The following FRMPD4 variants were observed in gnomAD, a reference collection of about 807,000 sequenced individuals.
FRMPD4 encodes FERM and PDZ domain-containing protein 4.
Under a neutral mutation model 94.1 loss-of-function variants are expected in FRMPD4, and 22 were observed. The ratio of observed to expected loss-of-function variants is 0.23; its 90% confidence interval spans 0.17 to 0.33. The LOEUF is 0.33. Among genes scored for constraint, FRMPD4 ranks in the 10% least tolerant of loss-of-function variants. The pLI is 1.00. For missense variants in FRMPD4, 1,111 were observed against 1,339.9 expected, an observed-to-expected ratio of 0.83 and a Z score of 2.67; for synonymous variants, 631 against 548.6, an observed-to-expected ratio of 1.15 and a Z score of -2.10.
At chrX:11,953,691 A>T (rs767187511) in intron 3 of FRMPD4, among the ~76,000 whole-genome samples, 1 of 111,860 alleles carries the variant, frequency 8.9e-6, no homozygotes. Flanking sequence ...AAAGAACCAG[A>T]CATGGGGAGA....
At chrX:12,104,798 A>G (rs1248308690) in intron 3 of FRMPD4, among the ~76,000 whole-genome samples, 1 of 112,026 alleles carries the variant, frequency 8.9e-6, no homozygotes. Flanking sequence ...CATTTTATAG[A>G]GAAGTAAACA....
intron 3 of FRMPD4, among the ~76,000 whole-genome samples, chrX:11,977,913 T>C (rs898376537): frequency 4.5e-5 from 5 of 111,219 alleles, no homozygotes; most frequent in African/African-American, 1.6e-4. Flanking sequence ...GAACAGATTG[T>C]AAAATGTTTC....
chrX:12,409,563 A>G (rs1056610935), intron 1 of FRMPD4, among the ~76,000 whole-genome samples: 1 of 112,137 alleles, frequency 8.9e-6, no homozygotes, highest in South Asian at 3.7e-4. Context: ...ACCTAAGGAC[A>G]CATTTCTGAA....
intron 1 of FRMPD4, among the ~76,000 whole-genome samples, chrX:12,302,293 C>T (rs1426620729): frequency 8.9e-6 from 1 of 111,923 alleles, no homozygotes; most frequent in African/African-American, 3.2e-5. Context: ...ACTGTTTTGC[C>T]TGTGAAGTCT....
At chrX:11,870,888 A>G (rs2147305489) in intron 2 of FRMPD4, among the ~76,000 whole-genome samples, 1 of 112,366 alleles carries the variant, frequency 8.9e-6, no homozygotes, top group Admixed American at 9.4e-5. Context: ...CTTACTTGCT[A>G]TGGTTTTTGA....
intron 3 of FRMPD4, among the ~76,000 whole-genome samples, chrX:12,078,402 T>G (rs1423087929): frequency 8.9e-6 from 1 of 112,239 alleles, no homozygotes; most frequent in East Asian, 2.8e-4. Context: ...GCAGGTCACC[T>G]TGGGGTATGA....
chrX:11,984,819 T>TA (rs2054418420), intron 3 of FRMPD4, among the ~76,000 whole-genome samples: 1 of 112,098 alleles, frequency 8.9e-6, no homozygotes, highest in African/African-American at 3.2e-5. Context: ...ACCCAGAATA[T>TA]AAAAAATACT....
intron 4 of FRMPD4, among the ~76,000 whole-genome samples, chrX:12,626,908 A>G (rs1422024468): frequency 1.8e-5 from 2 of 110,445 alleles, no homozygotes; most frequent in African/African-American, 3.3e-5. Context: ...TGTCTGCAGA[A>G]GAGTATATTA....
At chrX:12,519,665 G>A (rs2058140839) in intron 2 of FRMPD4, among the ~76,000 whole-genome samples, 1 of 112,249 alleles carries the variant, frequency 8.9e-6, no homozygotes, top group Non-Finnish European at 1.9e-5. Flanking sequence ...TCTGATATGA[G>A]GTTAATATTC....
chrX:12,707,299 G>A (rs1217169009), intron 12 of FRMPD4, among the ~76,000 whole-genome samples, 170 bp from the exon 13 acceptor site: 1 of 112,372 alleles, frequency 8.9e-6, no homozygotes, highest in Non-Finnish European at 1.9e-5. Flanking sequence ...ATTTATCAGA[G>A]CCTCAATTCA....
intron 2 of FRMPD4, among the ~76,000 whole-genome samples, chrX:12,525,058 C>CA (rs2058208091): frequency 1.8e-5 from 2 of 111,247 alleles, no homozygotes; most frequent in African/African-American, 6.5e-5. Flanking sequence ...CCAAGGAAGC[C>CA]AAAAGATTGG....
intron 1 of FRMPD4, among the ~76,000 whole-genome samples, chrX:11,852,949 A>G (rs1031096383): frequency 1.8e-5 from 2 of 112,273 alleles, no homozygotes; most frequent in African/African-American, 3.2e-5. Flanking sequence ...AGAAGAATAT[A>G]CATTCTCTTC....
chrX:12,037,829 G>A (rs897398480), intron 3 of FRMPD4, among the ~76,000 whole-genome samples: 3 of 111,163 alleles, frequency 2.7e-5, no homozygotes, highest in African/African-American at 6.6e-5. Context: ...GAGAACATGC[G>A]GTATTTGGTT....
In FRMPD4 at chrX:12,560,477, GAAAA is replaced by G. The variant is rs199808235; in HGVS notation, c.159-49226_159-49223del. On this transcript the variant is annotated intron_variant, in intron 2 of 16. Transcript: ENST00000675598. ...AGTAATGCATTCTTTCTTTAAAAAT[GAAAA>G]AAAAAAAAAAAAAAAAACCCAGCAA... 4.8e-3 allele frequency among the ~76,000 whole-genome samples: 397 copies of G among 82,848 alleles called. 1 individual carries two copies. Among genetic ancestry groups the G allele is most frequent in the African/African-American group, 0.015 (366 of 24,106 alleles). 71.9% of individuals were successfully genotyped at this position (82,848 alleles called of 115,157 possible). A position where few individuals can be genotyped will look rare whatever the true frequency, so the allele number is the denominator to read the frequency against.
intron 3 of FRMPD4, among the ~76,000 whole-genome samples, chrX:12,124,837 A>T (rs2055486212): frequency 8.9e-6 from 1 of 111,829 alleles, no homozygotes; most frequent in Non-Finnish European, 1.9e-5. Flanking sequence ...TAGCCACAGC[A>T]ACTTGTACAG....
intron 1 of FRMPD4, among the ~76,000 whole-genome samples, chrX:12,370,510 C>T (rs983408625): frequency 9.0e-6 from 1 of 111,713 alleles, no homozygotes; most frequent in African/African-American, 3.3e-5. Context: ...TGCTGGGGGA[C>T]AAGAGAACAA....
intron 3 of FRMPD4, among the ~76,000 whole-genome samples, chrX:12,072,840 C>G (rs948273799): frequency 9.0e-6 from 1 of 110,544 alleles, no homozygotes; most frequent in African/African-American, 3.3e-5. Flanking sequence ...AGATGAAGGT[C>G]CCCATCCCGT....
At chrX:11,876,001 G>A (rs1009061032) in intron 2 of FRMPD4, among the ~76,000 whole-genome samples, 4 of 107,322 alleles carry the variant, frequency 3.7e-5, no homozygotes, top group African/African-American at 1.0e-4. Context: ...TCAGCCTCCG[G>A]AGTAGCTGGG....
At chrX:12,318,685 T>A (rs2055162543) in intron 1 of FRMPD4, among the ~76,000 whole-genome samples, 1 of 111,470 alleles carries the variant, frequency 9.0e-6, no homozygotes, top group African/African-American at 3.3e-5. Context: ...TTAGGTAGAA[T>A]GAATAAGTTC....
Sources: gnomAD v4.1 joint callset for allele counts (sites outside exome capture counted in the v4.1 genomes callset) on GRCh38, gnomAD v4.1.1 for gene constraint, MANE v1.5 for transcripts, NCBI Gene and HGNC (gene_info 2026-07-23, HGNC 2026-07-21) for gene names.